VPS13A: variants seen among roughly 807,000 people sequenced by gnomAD.
VPS13A encodes intermembrane lipid transfer protein VPS13A.
Under a neutral mutation model 390.9 loss-of-function variants are expected in VPS13A, and 264 were observed. The observed-to-expected ratio is 0.68, with a 90% CI of 0.61 to 0.75. VPS13A has a LOEUF of 0.75. VPS13A is among the 30% of genes least tolerant of loss of function. The pLI is 0.00. For missense variants in VPS13A, 3,409 were observed against 3,733.9 expected, an observed-to-expected ratio of 0.91 and a Z score of 2.27; for synonymous variants, 1,231 against 1,227.1, an observed-to-expected ratio of 1.00 and a Z score of -0.07.
rs572590230 is a variant in VPS13A, at chr9:77,405,837, ATTCT to A, written c.9276-24_9276-21del. On this transcript the variant is annotated intron_variant, in intron 69 of 71. Coordinates refer to ENST00000360280, the MANE Select transcript of VPS13A (RefSeq NM_033305.3). ...TATAAGTGCCTCAATTTTAAAGCGA[ATTCT>A]TTTTTTGTTTTTCTTTTTGCAGTGG... 49 of 1,611,588 alleles carry A rather than the reference ATTCT, an allele frequency of 3.0e-5. No homozygotes were observed. The African/African-American group carries it at 5.3e-4, about 18-fold the overall frequency.
rs1827792991 is a variant in VPS13A, at chr9:77,293,454, A to C, written c.3453A>C (p.Leu1151Phe). 1 of 1,605,204 alleles carries C rather than the reference A, an allele frequency of 6.2e-7. No individual in the cohort carries two copies. The highest frequency in any genetic ancestry group is 1.3e-5 in the African/African-American group (1 of 74,906). ...ATGTGGTTGACATTCAGGTTAATTT[A>C]ATAGTTGGTTGCATTGAAGTAGTTT... Reference protein sequence around the residue: ...DMNVVDIQVNLIVGCIEVVFV... With the variant: ...DMNVVDIQVNFIVGCIEVVFV... Residue 1151 changes from leucine (L) to phenylalanine (F), a missense_variant, in exon 32 of 72, where the codon TTA becomes TTC. By Grantham distance (22) the Leu-to-Phe change is conservative (BLOSUM62 0). Around this residue, in one of 5 missense-constraint regions of VPS13A, gnomAD observed 2,717 missense variants for 2,917.4 expected, o/e 0.93. Coordinates refer to ENST00000360280, the MANE Select transcript of VPS13A (RefSeq NM_033305.3).
At chr9:77,268,666 G>T (rs536724832) in intron 23 of VPS13A, among the ~76,000 whole-genome samples, 9 of 152,122 alleles carry the variant, frequency 5.9e-5, no homozygotes, top group Non-Finnish European at 4.4e-5. Flanking sequence ...CTACCTGGGC[G>T]TGGTGGCTCA....
chr9:77,314,192 A>T, intron 36 of VPS13A, 73 bp downstream of exon 36: 1 of 1,513,036 alleles, frequency 6.6e-7, no homozygotes. Context: ...TAAAGTAACA[A>T]ATGTTAATAT....
chr9:77,412,071 A>G (rs1834960746), intron 71 of VPS13A, among the ~76,000 whole-genome samples: 1 of 152,220 alleles, frequency 6.6e-6, no homozygotes, highest in African/African-American at 2.4e-5. Context: ...GAAGAGACCA[A>G]TAACAGGCTC....
rs1835285911 is a variant in VPS13A, at chr9:77,419,668, A to G, written c.*3662A>G. 1.3e-5 allele frequency: 2 copies of G among 152,158 alleles called. No homozygotes were observed. Among genetic ancestry groups the G allele is most frequent in the Admixed American group, 1.3e-4 (2 of 15,278 alleles). The allele number at this position is 152,158 out of a possible 1,614,324, so 9.4% of individuals were successfully genotyped here. A position where few individuals can be genotyped will look rare whatever the true frequency, so the allele number is the denominator to read the frequency against. On this transcript the variant is annotated 3_prime_UTR_variant, in exon 72 of 72. Coordinates refer to ENST00000360280, the MANE Select transcript of VPS13A (RefSeq NM_033305.3). The stretch of plus-strand genomic sequence containing the variant: ...GTGGGACCAGAAAAAGCATAGAAAA[A>G]TTAGATCCACACACAGCACCCAAAA...
chr9:77,323,164 T>C lies in VPS13A; in HGVS notation c.5928T>C (p.Ser1976=). Residue 1976 remains serine, a synonymous_variant, in exon 45 of 72, where the codon TCT becomes TCC. Coordinates refer to ENST00000360280, the MANE Select transcript of VPS13A (RefSeq NM_033305.3). ...ACAGAGAGTCTGGCGTTGAAAGATCTATTGTTTGTCAAATTGATACAGTAG... is the reference window on the plus strand; with the variant it reads ...ACAGAGAGTCTGGCGTTGAAAGATCCATTGTTTGTCAAATTGATACAGTAG... ...VRHRESGVER[S]IVCQIDTVEG... 1 of 1,613,632 alleles carries C rather than the reference T, an allele frequency of 6.2e-7. No homozygotes were observed. Among genetic ancestry groups the C allele is most frequent in the Non-Finnish European group, 8.5e-7 (1 of 1,179,658 alleles).
At position 77,227,731 on chromosome 9, in the gene VPS13A, C is replaced by T. The variant is rs117596516; in HGVS notation, c.1452+246C>T. 0.057 allele frequency among the ~76,000 whole-genome samples: 8,211 copies of T among 144,280 alleles called. 331 individuals carry two copies. Among genetic ancestry groups the T allele is most frequent in the South Asian group, 0.12 (572 of 4,582 alleles). The allele number at this position is 144,280 out of a possible 152,430, so 94.7% of individuals were successfully genotyped here. A position where few individuals can be genotyped will look rare whatever the true frequency, so the allele number is the denominator to read the frequency against. ...TTTTTTTTTGATAGAGATGGGGTTT[C>T]GCCATGTTGCTCAGGCTGGTTTTGA... On this transcript the variant is annotated intron_variant, in intron 16 of 71. Coordinates refer to ENST00000360280, the MANE Select transcript of VPS13A (RefSeq NM_033305.3).
intron 45 of VPS13A, among the ~76,000 whole-genome samples, chr9:77,331,808 A>G (rs1830288775): frequency 6.6e-6 from 1 of 151,986 alleles, no homozygotes; most frequent in Admixed American, 6.5e-5. Context: ...TGTTTTTGAG[A>G]TTCCTATTAT....
chr9:77,365,396 A>G (rs143781807), intron 59 of VPS13A, 64 bp from the exon 60 acceptor site: 43 of 1,058,718 alleles, frequency 4.1e-5, no homozygotes, highest in South Asian at 4.0e-4. Flanking sequence ...TGTGTCTTCT[A>G]TTTGCTTAAA....
At chr9:77,332,295 A>G (rs1367499513) in intron 46 of VPS13A, among the ~76,000 whole-genome samples, 182 bp downstream of exon 46, 1 of 152,052 alleles carries the variant, frequency 6.6e-6, no homozygotes, top group African/African-American at 2.4e-5. Flanking sequence ...AACTTATACC[A>G]AGCACACTAT....
intron 39 of VPS13A, among the ~76,000 whole-genome samples, chr9:77,316,804 A>G (rs1211995430): frequency 1.3e-5 from 2 of 152,002 alleles, no homozygotes; most frequent in African/African-American, 4.8e-5. Flanking sequence ...TGCTCAAATA[A>G]TGAGTTTTTC....
intron 68 of VPS13A, among the ~76,000 whole-genome samples, chr9:77,389,143 C>T (rs1186334631): frequency 1.3e-5 from 2 of 152,020 alleles, no homozygotes; most frequent in African/African-American, 4.8e-5. Context: ...TTTTTATTCA[C>T]CTGGTTATGA....
chr9:77,245,850 G>T (rs1415996459), intron 19 of VPS13A, among the ~76,000 whole-genome samples: 1 of 152,210 alleles, frequency 6.6e-6, no homozygotes, highest in Admixed American at 6.5e-5. Context: ...TGGTTCTACA[G>T]GCTGTACAAG....
At chr9:77,259,999 A>G in intron 22 of VPS13A, 87 bp from the exon 23 acceptor site, 1 of 917,408 alleles carries the variant, frequency 1.1e-6, no homozygotes, top group Admixed American at 2.8e-5. Flanking sequence ...CATTTGATTC[A>G]GATAATTTGA....
intron 67 of VPS13A, among the ~76,000 whole-genome samples, chr9:77,376,235 TGAA>T (rs911745048): frequency 3.3e-5 from 5 of 152,012 alleles, no homozygotes; most frequent in Non-Finnish European, 5.9e-5. Flanking sequence ...CGGGGAAAGT[TGAA>T]GAAGATGTTA....
chr9:77,300,697 A>G (rs1828290061), intron 33 of VPS13A, among the ~76,000 whole-genome samples: 1 of 152,260 alleles, frequency 6.6e-6, no homozygotes. Flanking sequence ...ATGCCACTGC[A>G]TTCCGGCCTG....
chr9:77,177,817 C>T lies in VPS13A; in HGVS notation c.100+13C>T, dbSNP rs1234802302. The T allele has an allele frequency of 1.2e-6, 2 of 1,600,854 alleles. No homozygotes were observed. Among genetic ancestry groups the T allele is most frequent in the South Asian group, 1.1e-5 (1 of 90,394 alleles). On this transcript the variant is annotated intron_variant, in intron 1 of 71. Coordinates refer to ENST00000360280, the MANE Select transcript of VPS13A (RefSeq NM_033305.3). ...GGCATCTGGAAAGGTAAGGAGGCCG[C>T]CGCCGCCGCTCCCCGGCCTCTCGTG...
intron 31 of VPS13A, among the ~76,000 whole-genome samples, chr9:77,292,757 T>G (rs537087622): frequency 2.0e-5 from 3 of 152,140 alleles, no homozygotes; most frequent in African/African-American, 7.2e-5. Context: ...ATTTTACATC[T>G]CCTGTTGTCG....
At chr9:77,298,703 C>T (rs961029359) in intron 33 of VPS13A, among the ~76,000 whole-genome samples, 5 of 152,032 alleles carry the variant, frequency 3.3e-5, no homozygotes, top group African/African-American at 9.7e-5. Context: ...GGCCATGTCC[C>T]CACCCAAATC....
Sources: allele counts gnomAD v4.1 joint callset (sites outside exome capture counted in the v4.1 genomes callset), GRCh38; gene constraint gnomAD v4.1.1; regional missense constraint gnomAD v4.1.1; transcripts MANE v1.5; gene names NCBI Gene and HGNC (gene_info 2026-07-23, HGNC 2026-07-21).